CDH10: variants seen among roughly 807,000 people sequenced by gnomAD.
CDH10 encodes the protein cadherin-10.
In CDH10, 30 loss-of-function variants were observed where a neutral mutation model predicts 73.1. That is an observed-to-expected ratio of 0.41 (90% CI 0.31 to 0.56). The LOEUF is 0.56. Ranked by LOEUF, CDH10 falls within the 20% of genes least tolerant of loss-of-function variation. CDH10 has a pLI of 0.27. For missense variants in CDH10, 815 were observed against 973.7 expected (o/e 0.84, Z 2.17); for synonymous variants, 345 against 348.2 (o/e 0.99, Z 0.10).
At chr5:24,609,323 G>T (rs961051021) in intron 1 of CDH10, among the ~76,000 whole-genome samples, 1 of 152,122 alleles carries the variant, frequency 6.6e-6, no homozygotes, top group African/African-American at 2.4e-5. Context: ...ACGATAGTTG[G>T]GGGGAGGTTA....
chr5:24,560,917 A>G (rs1193162205), intron 2 of CDH10, among the ~76,000 whole-genome samples: 2 of 152,114 alleles, frequency 1.3e-5, no homozygotes, highest in Non-Finnish European at 2.9e-5. Flanking sequence ...TTTCCTGATT[A>G]TATAATACTA....
intron 2 of CDH10, among the ~76,000 whole-genome samples, chr5:24,564,239 TTTG>T (rs1745084494): frequency 6.6e-6 from 1 of 152,214 alleles, no homozygotes. Context: ...TATATTTCTT[TTTG>T]TTGTTGTTGA....
intron 2 of CDH10, among the ~76,000 whole-genome samples, chr5:24,545,917 A>G (rs1381639818): frequency 6.6e-6 from 1 of 152,080 alleles, no homozygotes; most frequent in African/African-American, 2.4e-5. Flanking sequence ...AAGTTTGGAG[A>G]CTTTGCTACA....
chr5:24,567,069 T>G (rs973556681), intron 2 of CDH10, among the ~76,000 whole-genome samples: 64 of 152,060 alleles, frequency 4.2e-4, no homozygotes, highest in African/African-American at 1.5e-3. Flanking sequence ...AAATAGCCAT[T>G]AAGCCATTTT....
At chr5:24,577,621 C>A (rs531912360) in intron 2 of CDH10, among the ~76,000 whole-genome samples, 4 of 152,078 alleles carry the variant, frequency 2.6e-5, no homozygotes, top group African/African-American at 9.6e-5. Context: ...ATATTCTTAT[C>A]AGGTATATGT....
intron 1 of CDH10, among the ~76,000 whole-genome samples, chr5:24,630,977 G>A (rs1203111309): frequency 6.6e-6 from 1 of 152,116 alleles, no homozygotes; most frequent in African/African-American, 2.4e-5. Flanking sequence ...GGGAACTGAG[G>A]TGTAGCTAGA....
At chr5:24,522,656 A>T (rs1743379178) in intron 5 of CDH10, among the ~76,000 whole-genome samples, 1 of 152,120 alleles carries the variant, frequency 6.6e-6, no homozygotes, top group Non-Finnish European at 1.5e-5. Flanking sequence ...TCACTAACAA[A>T]TTTTCAGCAG....
At position 24,593,493 on chromosome 5, in the gene CDH10, T is replaced by C. The variant is rs1746272085; in HGVS notation, c.-3A>G. 4 of 1,513,014 alleles carry C rather than the reference T, an allele frequency of 2.6e-6. No homozygotes were observed. The highest frequency in any genetic ancestry group is 3.7e-6 in the Non-Finnish European group (4 of 1,088,326). The allele number at this position is 1,513,014 out of a possible 1,614,324, so 93.7% of individuals were successfully genotyped here. A position where few individuals can be genotyped will look rare whatever the true frequency, so the allele number is the denominator to read the frequency against. ...AGCAAAAATTGATGTATTGTCATAGTTCACTTCTTGACAAATCCCAGTGTA... is the reference window on the plus strand; with the variant it reads ...AGCAAAAATTGATGTATTGTCATAGCTCACTTCTTGACAAATCCCAGTGTA... On this transcript the variant is annotated 5_prime_UTR_variant, in exon 2 of 12. Transcript: ENST00000264463.
intron 2 of CDH10, among the ~76,000 whole-genome samples, chr5:24,575,318 C>T (rs1359815718): frequency 5.0e-5 from 7 of 138,972 alleles, no homozygotes; most frequent in Admixed American, 3.0e-4. Flanking sequence ...GCTGTGGTCA[C>T]GCCACTGCAC....
chr5:24,615,932 G>A (rs1468882282), intron 1 of CDH10, among the ~76,000 whole-genome samples: 1 of 152,144 alleles, frequency 6.6e-6, no homozygotes. Context: ...CCTGACCATA[G>A]TGTTTTAGTG....
At chr5:24,623,764 G>T (rs1031673259) in intron 1 of CDH10, among the ~76,000 whole-genome samples, 5 of 152,184 alleles carry the variant, frequency 3.3e-5, no homozygotes, top group African/African-American at 1.2e-4. Flanking sequence ...AAATGCAATT[G>T]CAGGGTGAGC....
chr5:24,592,235 GT>G (rs1746223832), intron 2 of CDH10, among the ~76,000 whole-genome samples: 2 of 151,680 alleles, frequency 1.3e-5, no homozygotes, highest in South Asian at 4.1e-4. Flanking sequence ...CAAAAACAGG[GT>G]TTTTAGAAGA....
intron 7 of CDH10, among the ~76,000 whole-genome samples, chr5:24,507,106 T>C (rs1462618484): frequency 7.2e-5 from 11 of 152,160 alleles, no homozygotes; most frequent in Admixed American, 7.2e-4. Context: ...TTGATTACTG[T>C]ATTAACATTC....
chr5:24,564,224 G>A (rs1745084156), intron 2 of CDH10, among the ~76,000 whole-genome samples: 1 of 152,246 alleles, frequency 6.6e-6, no homozygotes, highest in African/African-American at 2.4e-5. Context: ...CATACTATAT[G>A]TAGATATATT....
rs181806559 is a variant in CDH10 at position 24,548,158 on chromosome 5, T to C, written c.232-10484A>G. On this transcript the variant is annotated intron_variant, in intron 2 of 11. Transcript: ENST00000264463. ...CTTTTTTTTTTCTGAGACTGAAGCT[T>C]GCCCTGTCACCTAGGCTGGAGTGCA... Among the ~76,000 whole-genome samples the C allele has an allele frequency of 1.6e-3, 245 of 151,854 alleles. 1 individual carries two copies. Among genetic ancestry groups the C allele is most frequent in the African/African-American group, 5.5e-3 (227 of 41,412 alleles).
At chr5:24,513,169 C>T (rs1827820) in intron 5 of CDH10, among the ~76,000 whole-genome samples, 3 of 151,478 alleles carry the variant, frequency 2.0e-5, no homozygotes, top group Admixed American at 6.6e-5. Flanking sequence ...TAGGCACCTG[C>T]CACCACACCA....
chr5:24,553,799 T>C (rs79942551), intron 2 of CDH10, among the ~76,000 whole-genome samples: 9,862 of 152,084 alleles, frequency 0.065, 677 homozygotes, highest in African/African-American at 0.17. Context: ...GAATATTTTG[T>C]AATGGAGAGA....
intron 2 of CDH10, among the ~76,000 whole-genome samples, chr5:24,553,658 C>G (rs1019582167): frequency 2.0e-5 from 3 of 152,050 alleles, no homozygotes; most frequent in African/African-American, 4.8e-5. Flanking sequence ...ATGTTTTCCA[C>G]GGGTGGCTAC....
At chr5:24,539,164 C>T (rs2048008) in intron 2 of CDH10, among the ~76,000 whole-genome samples, 4 of 151,564 alleles carry the variant, frequency 2.6e-5, no homozygotes, top group Non-Finnish European at 4.4e-5. Flanking sequence ...ATTGAGAATT[C>T]GAGACAATAA....
Sources: gnomAD v4.1 joint callset for allele counts (sites outside exome capture counted in the v4.1 genomes callset) on GRCh38, gnomAD v4.1.1 for gene constraint, MANE v1.5 for transcripts, NCBI Gene and HGNC (gene_info 2026-07-23, HGNC 2026-07-21) for gene names.